The following FAM163B variants were observed in gnomAD, a reference collection of about 807,000 sequenced individuals.
FAM163B encodes the protein family with sequence similarity 163 member B.
A neutral mutation model predicts 7.6 loss-of-function variants in FAM163B; 4 were observed. The observed-to-expected ratio is 0.52, with a 90% CI of 0.26 to 1.20. The LOEUF (loss-of-function observed/expected upper bound fraction) is 1.20. FAM163B is among the 50% of genes most tolerant of loss of function. FAM163B has a pLI of 0.14. For synonymous variants in FAM163B, 120 were observed against 111.6 expected (o/e 1.07, Z -0.47); for missense variants, 250 against 243.0 (o/e 1.03, Z -0.19).
At position 133,580,236 on chromosome 9, in the gene FAM163B, C is replaced by G; in HGVS notation, c.-13G>C. ...TCCCGGCTGTCATCCGCCCCCTTCT[C>G]CATCAACAGCCTGCAACACACGCCG... On this transcript the variant is annotated 5_prime_UTR_variant, in exon 2 of 3. Coordinates refer to ENST00000673969, the MANE Select transcript of FAM163B (RefSeq NM_001080515.3). 6.2e-7 allele frequency: 1 copy of G among 1,610,526 alleles called. No individual in the cohort carries two copies. The highest frequency in any genetic ancestry group is 8.5e-7 in the Non-Finnish European group (1 of 1,177,620).
chr9:133,598,999 CA>C (rs1216184809), intron 1 of FAM163B, among the ~76,000 whole-genome samples: 1 of 152,106 alleles, frequency 6.6e-6, no homozygotes, highest in Non-Finnish European at 1.5e-5. Flanking sequence ...TGGATGCAGG[CA>C]GCACCCCCTC....
rs1831275979 is a variant in FAM163B at position 133,577,815 on chromosome 9, C to T, written c.*1207G>A. 6.6e-6 allele frequency among the ~76,000 whole-genome samples: 1 copy of T among 152,220 alleles called. No homozygotes were observed. The highest frequency in any genetic ancestry group is 2.1e-4 in the South Asian group (1 of 4,830). ...ATTTCTCTGGGGTAGCCATTGACGT[C>T]ATTTCCTTAGCAGCAGGAGAGCGGG... On this transcript the variant is annotated 3_prime_UTR_variant, in exon 3 of 3. Transcript: ENST00000673969.
rs984121507 is a variant in FAM163B at position 133,601,473 on chromosome 9, A to G, written c.-24+7604T>C. Among the ~76,000 whole-genome samples the G allele has an allele frequency of 6.6e-5, 10 of 152,308 alleles. No homozygotes were observed. The highest frequency in any genetic ancestry group is 3.3e-4 in the Admixed American group (5 of 15,308). On this transcript the variant is annotated intron_variant, in intron 1 of 2. Coordinates refer to ENST00000673969, the MANE Select transcript of FAM163B (RefSeq NM_001080515.3). This position sits in a 1 kb window ranked among gnomAD's most constrained non-coding sequence, Gnocchi z 4.1. Reference sequence around the variant, plus strand: ...TCATGCTGTCAATACAAATAGCAGCATTAACCACAGGGGCCTGGCCAGGCG... The same window carrying G: ...TCATGCTGTCAATACAAATAGCAGCGTTAACCACAGGGGCCTGGCCAGGCG...
intron 1 of FAM163B, among the ~76,000 whole-genome samples, chr9:133,587,992 G>A (rs1156436374): frequency 4.0e-5 from 6 of 151,836 alleles, no homozygotes; most frequent in Admixed American, 1.3e-4. Context: ...GGGAGGGGAG[G>A]GGAGGGGAGG....
At position 133,600,686 on chromosome 9, in the gene FAM163B, G is replaced by A. The variant is rs1189402325; in HGVS notation, c.-24+8391C>T. Among the ~76,000 whole-genome samples the A allele has an allele frequency of 1.3e-5, 2 of 150,090 alleles. No individual in the cohort carries two copies. The highest frequency in any genetic ancestry group is 6.6e-5 in the Admixed American group (1 of 15,060). ...GAGGTTGGTCTAAGCTCCTGGAGTC[G>A]CAGGCTCCCAGAATCTTAAAGCCAC... On this transcript the variant is annotated intron_variant, in intron 1 of 2. Transcript: ENST00000673969. The surrounding 1 kb of genome is among the most constrained non-coding windows in gnomAD (Gnocchi z 4.9).
chr9:133,593,800 G>C (rs528026891), intron 1 of FAM163B, among the ~76,000 whole-genome samples: 1 of 152,320 alleles, frequency 6.6e-6, no homozygotes, highest in South Asian at 2.1e-4. Flanking sequence ...TTCGCACCCC[G>C]GCCCCGAACC....
Position 133,578,059 on chromosome 9 carries a change from T to G in FAM163B, c.*963A>C, listed in dbSNP as rs1355224431. 6.6e-6 allele frequency among the ~76,000 whole-genome samples: 1 copy of G among 152,088 alleles called. No homozygotes were observed. The highest frequency in any genetic ancestry group is 1.5e-5 in the Non-Finnish European group (1 of 68,008). On this transcript the variant is annotated 3_prime_UTR_variant, in exon 3 of 3. Transcript: ENST00000673969. The stretch of plus-strand genomic sequence containing the variant: ...TGTTGAGACCCACAGCCTGAAGACC[T>G]CTGTCCTCAGGGTCTCTCCTCATCA...
At chr9:133,585,561 G>A (rs1394823856) in intron 1 of FAM163B, among the ~76,000 whole-genome samples, 3 of 152,262 alleles carry the variant, frequency 2.0e-5, no homozygotes, top group East Asian at 1.9e-4. Context: ...GATGCCCAGC[G>A]CTCGTGGTAG....
chr9:133,591,482 G>A (rs555048220), intron 1 of FAM163B, among the ~76,000 whole-genome samples: 2 of 152,250 alleles, frequency 1.3e-5, no homozygotes, highest in Admixed American at 1.3e-4. Context: ...AGGGGACCCT[G>A]CCTGGCCTTC....
At chr9:133,591,971 T>C (rs927484894) in intron 1 of FAM163B, among the ~76,000 whole-genome samples, 1 of 152,146 alleles carries the variant, frequency 6.6e-6, no homozygotes, top group Non-Finnish European at 1.5e-5. Flanking sequence ...CCCTTTAAGA[T>C]GGTGCCGGGC....
chr9:133,580,280 G>A (rs1831336844), intron 1 of FAM163B, 34 bp from the exon 2 acceptor site: 41 of 1,473,276 alleles, frequency 2.8e-5, no homozygotes, highest in East Asian at 1.8e-4. Context: ...AGAGCATCAC[G>A]CTTCCTCACC....
In FAM163B at chr9:133,579,155, T is replaced by C. The variant is rs1337469730; in HGVS notation, c.368A>G (p.Tyr123Cys). ...DVLNGGERVL[Y>C]KSVSQEDVEL... Reference sequence around the variant, plus strand: ...CACGTCCTCCTGGCTCACGCTCTTGTAGAGCACGCGCTCCCCGCCGTTCAG... The same window carrying C: ...CACGTCCTCCTGGCTCACGCTCTTGCAGAGCACGCGCTCCCCGCCGTTCAG... The change falls in exon 3 of 3, where the codon TAC becomes TGC. Residue 123 changes from tyrosine to cysteine, a missense_variant. Tyr to Cys is a radical substitution (Grantham distance 194). Transcript: ENST00000673969. The C allele has an allele frequency of 4.3e-6, 7 of 1,610,304 alleles. No individual in the cohort carries two copies. The highest frequency in any genetic ancestry group is 1.3e-5 in the African/African-American group (1 of 74,904).
At chr9:133,599,723 G>A (rs368806996) in intron 1 of FAM163B, among the ~76,000 whole-genome samples, 811 of 61,204 alleles carry the variant, frequency 0.013, 6 homozygotes, top group African/African-American at 0.08. Context: ...GCATGTGCAT[G>A]TGTGTCTGTG....
chr9:133,594,969 C>T (rs1445389937), intron 1 of FAM163B, among the ~76,000 whole-genome samples: 1 of 152,122 alleles, frequency 6.6e-6, no homozygotes, highest in Non-Finnish European at 1.5e-5. Context: ...GCAGAGACCC[C>T]GCAGGCAGCA....
At chr9:133,584,338 C>T (rs1189509883) in intron 1 of FAM163B, among the ~76,000 whole-genome samples, 1 of 152,148 alleles carries the variant, frequency 6.6e-6, no homozygotes, top group Non-Finnish European at 1.5e-5. Flanking sequence ...TGCGGGTGAC[C>T]TTGGGTCAGA....
chr9:133,584,898 G>A (rs1034057475), intron 1 of FAM163B, among the ~76,000 whole-genome samples: 1 of 152,218 alleles, frequency 6.6e-6, no homozygotes, highest in East Asian at 1.9e-4. Flanking sequence ...TGAAGCCTCC[G>A]CACTGCCAGC....
rs1031312726 is a variant in FAM163B, at chr9:133,578,096, G to A, written c.*926C>T. On this transcript the variant is annotated 3_prime_UTR_variant, in exon 3 of 3. Transcript: ENST00000673969. ...GTCTCTCCTCATCACACAAGATGGG[G>A]AGACTGAGGCCCAGGGGTGGGAAGG... Among the ~76,000 whole-genome samples the A allele has an allele frequency of 1.6e-4, 25 of 152,244 alleles. No homozygotes were observed. The highest frequency in any genetic ancestry group is 3.5e-4 in the Non-Finnish European group (24 of 68,002).
intron 1 of FAM163B, among the ~76,000 whole-genome samples, chr9:133,598,503 G>C (rs1831664091): frequency 6.6e-6 from 1 of 151,886 alleles, no homozygotes; most frequent in South Asian, 2.1e-4. Flanking sequence ...GCTGTGTGCT[G>C]CGTGTGCTGG....
chr9:133,579,502 C>T, intron 2 of FAM163B, 73 bp from the exon 3 acceptor site: 2 of 1,484,246 alleles, frequency 1.3e-6, no homozygotes, highest in Non-Finnish European at 1.8e-6. Context: ...AAAGGCTACC[C>T]CTGACTGGGG....
Sources: allele counts gnomAD v4.1 joint callset (sites outside exome capture counted in the v4.1 genomes callset), GRCh38; gene constraint gnomAD v4.1.1; non-coding constraint Gnocchi (gnomAD v3.1); transcripts MANE v1.5; gene names NCBI Gene and HGNC (gene_info 2026-07-23, HGNC 2026-07-21).